Variants in TMEM74 observed in about 807,000 individuals in gnomAD.
TMEM74 encodes the protein transmembrane protein 74.
TMEM74 carries 13 observed loss-of-function variants against 18.1 expected under a neutral mutation model. The observed-to-expected ratio is 0.72, with a 90% CI of 0.47 to 1.14. TMEM74 has a LOEUF of 1.14. Among genes scored for constraint, TMEM74 ranks in the 50% most tolerant of loss-of-function variants. TMEM74 has a pLI of 0.00. For synonymous variants in TMEM74, 159 were observed against 146.6 expected, an observed-to-expected ratio of 1.08 and a Z score of -0.61; for missense variants, 372 against 375.9, an observed-to-expected ratio of 0.99 and a Z score of 0.09.
chr8:108,706,328 T>C (rs1813395748), intron 1 of TMEM74, among the ~76,000 whole-genome samples: 1 of 152,196 alleles, frequency 6.6e-6, no homozygotes, highest in Non-Finnish European at 1.5e-5. Flanking sequence ...AATGGGAGGA[T>C]GTACTCTGAT....
rs1322890449 is a variant in TMEM74 at position 108,730,883 on chromosome 8, G to A, written n.119+56593C>T. 1.1e-4 allele frequency among the ~76,000 whole-genome samples: 17 copies of A among 152,086 alleles called. No homozygotes were observed. The East Asian group carries it at 2.3e-3, about 21-fold the overall frequency. ...CTTGACCTTGTGATCCGCCCGCCTC[G>A]GCTCCCAAAGTGCTGGGATTACAGG... On this transcript the variant is annotated intron_variant and non_coding_transcript_variant, in intron 1 of 3. Coordinates refer to the TMEM74 transcript ENST00000518838.
intron 1 of TMEM74, among the ~76,000 whole-genome samples, chr8:108,678,044 A>G (rs568637386): frequency 5.9e-5 from 9 of 152,100 alleles, no homozygotes; most frequent in African/African-American, 2.2e-4. Flanking sequence ...GCAGGAGGCC[A>G]GTTTTCATGC....
intron 1 of TMEM74, among the ~76,000 whole-genome samples, chr8:108,762,043 T>C (rs1021511572): frequency 2.6e-5 from 4 of 152,138 alleles, no homozygotes; most frequent in Non-Finnish European, 4.4e-5. Context: ...AATAATTTAA[T>C]AGTGTTTCAT....
intron 1 of TMEM74, among the ~76,000 whole-genome samples, chr8:108,756,801 GAA>G (rs1464585726): frequency 4.6e-5 from 3 of 65,872 alleles, no homozygotes; most frequent in South Asian, 7.8e-4. Context: ...GGAAGGGGAG[GAA>G]GGAAGGAAGG....
chr8:108,652,693 A>G (rs1812786264), intron 2 of TMEM74: 6 of 563,620 alleles, frequency 1.1e-5, no homozygotes, highest in Non-Finnish European at 1.3e-5. Context: ...ATCTGCCCCT[A>G]ACACAGCAAA....
At chr8:108,704,892 GC>G (rs2130618330) in intron 1 of TMEM74, among the ~76,000 whole-genome samples, 1 of 152,310 alleles carries the variant, frequency 6.6e-6, no homozygotes, top group African/African-American at 2.4e-5. Context: ...TTTCTAACAT[GC>G]CTGTTCCATG....
chr8:108,737,204 A>T (rs1333230503), intron 1 of TMEM74, among the ~76,000 whole-genome samples: 1 of 152,138 alleles, frequency 6.6e-6, no homozygotes, highest in Non-Finnish European at 1.5e-5. Flanking sequence ...TGAACTACTG[A>T]TCACCTTAAA....
intron 1 of TMEM74, among the ~76,000 whole-genome samples, chr8:108,661,827 T>C (rs1266847741): frequency 6.6e-6 from 1 of 152,062 alleles, no homozygotes; most frequent in African/African-American, 2.4e-5. Context: ...AAGTCATACG[T>C]TAGACAAGCT....
At chr8:108,616,543 G>A (rs573243991) in intron 2 of TMEM74, among the ~76,000 whole-genome samples, 3 of 152,202 alleles carry the variant, frequency 2.0e-5, no homozygotes, top group East Asian at 3.9e-4. Context: ...ATAAAATAGG[G>A]CAAGAATTAT....
At chr8:108,686,070 A>T (rs1813164433) in intron 1 of TMEM74, among the ~76,000 whole-genome samples, 1 of 152,160 alleles carries the variant, frequency 6.6e-6, no homozygotes, top group South Asian at 2.1e-4. Context: ...AAATCCCAGT[A>T]TTTTTTAAAA....
chr8:108,690,388 T>G (rs201422179), intron 1 of TMEM74, among the ~76,000 whole-genome samples: 4 of 150,358 alleles, frequency 2.7e-5, no homozygotes, highest in Non-Finnish European at 4.4e-5. Flanking sequence ...TTTTTTTGTT[T>G]GTTTTTTTTT....
rs575673718 is a variant in TMEM74, at chr8:108,696,885, G to A, written n.120-41448C>T. Among the ~76,000 whole-genome samples the A allele has an allele frequency of 1.4e-4, 22 of 152,172 alleles. No homozygotes were observed. The South Asian group carries it at 1.7e-3, about 11-fold the overall frequency. On this transcript the variant is annotated intron_variant and non_coding_transcript_variant, in intron 1 of 3. Coordinates refer to the TMEM74 transcript ENST00000518838. ...TCATTTTATCTTTTCATTACTATACGTTGTGAAGATAGGGACCTCTACAAT... is the reference window on the plus strand; with the variant it reads ...TCATTTTATCTTTTCATTACTATACATTGTGAAGATAGGGACCTCTACAAT...
intron 1 of TMEM74, among the ~76,000 whole-genome samples, chr8:108,752,242 T>C (rs1461908341): frequency 6.6e-6 from 1 of 152,110 alleles, no homozygotes; most frequent in Non-Finnish European, 1.5e-5. Flanking sequence ...TGTTTAAATT[T>C]CTTAACCTCT....
rs776407856 is a variant in TMEM74 at position 108,622,154 on chromosome 8, G to A, written n.265-13328C>T. Among the ~76,000 whole-genome samples, 7 of 152,156 alleles carry A rather than the reference G, an allele frequency of 4.6e-5. No individual in the cohort carries two copies. In the South Asian group the frequency reaches 6.2e-4, roughly 14 times the overall value. ...AAACGAGAATAAGTTTTCAAAACCC[G>A]GAAGTGCTGATGTTGCCATAAACAG... On this transcript the variant is annotated intron_variant and non_coding_transcript_variant, in intron 2 of 3. Coordinates refer to the TMEM74 transcript ENST00000518838.
intron 1 of TMEM74, among the ~76,000 whole-genome samples, chr8:108,717,982 G>A (rs1327802491): frequency 4.3e-5 from 3 of 69,124 alleles, no homozygotes; most frequent in Non-Finnish European, 6.7e-5. Context: ...TTTTTGAGAC[G>A]GAGTCTCGCT....
chr8:108,729,922 G>T (rs1417538350), intron 1 of TMEM74, among the ~76,000 whole-genome samples: 1 of 152,166 alleles, frequency 6.6e-6, no homozygotes, highest in African/African-American at 2.4e-5. Flanking sequence ...GGACAAATAA[G>T]TTAGAACTGC....
At chr8:108,685,417 G>A (rs1022456411) in intron 1 of TMEM74, among the ~76,000 whole-genome samples, 2 of 151,974 alleles carry the variant, frequency 1.3e-5, no homozygotes, top group African/African-American at 2.4e-5. Flanking sequence ...TTTCTAATTT[G>A]GATGCCCTTT....
At chr8:108,611,317 C>A (rs1183357159) in intron 2 of TMEM74, among the ~76,000 whole-genome samples, 1 of 152,022 alleles carries the variant, frequency 6.6e-6, no homozygotes, top group South Asian at 2.1e-4. Context: ...TTATAGGAGA[C>A]ATTAAGAACA....
At chr8:108,638,337 T>C (rs1190953870) in intron 2 of TMEM74, among the ~76,000 whole-genome samples, 5 of 152,134 alleles carry the variant, frequency 3.3e-5, no homozygotes, top group Non-Finnish European at 5.9e-5. Context: ...TCTATTCAAC[T>C]TTATTGAAGA....
Sources: gnomAD v4.1 joint callset for allele counts (sites outside exome capture counted in the v4.1 genomes callset) on GRCh38, gnomAD v4.1.1 for gene constraint, MANE v1.5 for transcripts, NCBI Gene and HGNC (gene_info 2026-07-23, HGNC 2026-07-21) for gene names.